PTPRC: variants seen among roughly 807,000 people sequenced by gnomAD.
The protein encoded by PTPRC is receptor-type tyrosine-protein phosphatase C.
Under a neutral mutation model 155.9 loss-of-function variants are expected in PTPRC, and 44 were observed. The ratio of observed to expected loss-of-function variants is 0.28; its 90% CI spans 0.22 to 0.36. The LOEUF is 0.36. PTPRC is among the 10% of genes least tolerant of loss of function. The pLI, the probability that PTPRC is intolerant of heterozygous loss-of-function variation, is 1.00. For missense variants in PTPRC, 1,401 were observed against 1,564.6 expected (o/e 0.90, Z 1.76); for synonymous variants, 525 against 533.1 (o/e 0.98, Z 0.21).
intron 14 of PTPRC, among the ~76,000 whole-genome samples, chr1:198,719,066 C>T (rs1470676413): frequency 6.6e-6 from 1 of 151,936 alleles, no homozygotes; most frequent in African/African-American, 2.4e-5. Flanking sequence ...TTTTGAATGT[C>T]TTTAATAATT....
At chr1:198,660,041 A>G (rs1390053116) in intron 2 of PTPRC, among the ~76,000 whole-genome samples, 3 of 51,868 alleles carry the variant, frequency 5.8e-5, no homozygotes, top group Non-Finnish European at 1.1e-4. Flanking sequence ...ATATATATAT[A>G]TATATATATA....
At chr1:198,733,026 G>A (rs1654465163) in intron 20 of PTPRC, among the ~76,000 whole-genome samples, 1 of 151,650 alleles carries the variant, frequency 6.6e-6, no homozygotes, top group Non-Finnish European at 1.5e-5. Flanking sequence ...CTAAATTTCA[G>A]CAGACATTCC....
chr1:198,726,370 C>G (rs1308289716), intron 15 of PTPRC, among the ~76,000 whole-genome samples: 5 of 152,166 alleles, frequency 3.3e-5, no homozygotes, highest in Non-Finnish European at 7.3e-5. Flanking sequence ...ATAAGAACTT[C>G]TTCCCTAAAA....
At chr1:198,653,691 T>C (rs1430892981) in intron 2 of PTPRC, among the ~76,000 whole-genome samples, 1 of 151,892 alleles carries the variant, frequency 6.6e-6, no homozygotes, top group Admixed American at 6.6e-5. Context: ...ATACTTCCCA[T>C]GGATCATCTT....
At chr1:198,716,395 G>C (rs144114347) in intron 12 of PTPRC, among the ~76,000 whole-genome samples, 96 of 152,312 alleles carry the variant, frequency 6.3e-4, no homozygotes, top group African/African-American at 2.2e-3. Flanking sequence ...AAACAAAAGA[G>C]ATCGTCTTCA....
intron 9 of PTPRC, among the ~76,000 whole-genome samples, chr1:198,707,791 A>T (rs1191165083): frequency 6.6e-6 from 1 of 152,220 alleles, no homozygotes; most frequent in Non-Finnish European, 1.5e-5. Context: ...TAAACAAAAA[A>T]TTTAAGATAA....
At chr1:198,723,738 C>A (rs1055974654) in intron 15 of PTPRC, among the ~76,000 whole-genome samples, 5 of 152,288 alleles carry the variant, frequency 3.3e-5, no homozygotes, top group Admixed American at 6.5e-5. Context: ...GGGAGCCTGG[C>A]AGTGGGAATC....
At chr1:198,683,467 T>TGTACC (rs1665451432) in intron 2 of PTPRC, among the ~76,000 whole-genome samples, 3 of 152,122 alleles carry the variant, frequency 2.0e-5, no homozygotes, top group Admixed American at 6.5e-5. Context: ...TCCCTGGATT[T>TGTACC]AGGTAAATGA....
intron 3 of PTPRC, 34 bp downstream of exon 3, chr1:198,692,407 A>C: frequency 1.5e-6 from 2 of 1,345,146 alleles, no homozygotes; most frequent in Non-Finnish European, 2.0e-6. Flanking sequence ...TACTAATTTT[A>C]TTTTCTTGTT....
chr1:198,754,383 G>A lies in PTPRC; in HGVS notation c.3624G>A (p.Arg1208=). 1 of 1,613,498 alleles carries A rather than the reference G, an allele frequency of 6.2e-7. No homozygotes were observed. The highest frequency in any genetic ancestry group is 8.5e-7 in the Non-Finnish European group (1 of 1,179,704). The change falls in exon 32 of 33, where the codon AGG becomes AGA. Residue 1208 remains arginine (R), a synonymous_variant. Transcript: ENST00000442510. The stretch of plus-strand genomic sequence containing the variant: ...TGGTAAAAGCTCTACGCAAAGCTAG[G>A]CCAGGCATGGTTTCCACATTCGTAA... ...FQVVKALRKA[R]PGMVSTFEQY... is the part of the protein sequence containing the mutation.
chr1:198,741,604 A>G (rs1040585436), intron 23 of PTPRC, among the ~76,000 whole-genome samples: 1 of 151,822 alleles, frequency 6.6e-6, no homozygotes, highest in African/African-American at 2.4e-5. Context: ...AGAAAGTATT[A>G]CCTTACTTAC....
chr1:198,709,638 C>A (rs370172439), intron 10 of PTPRC, 49 bp from the exon 11 acceptor site: 1 of 1,391,524 alleles, frequency 7.2e-7, no homozygotes, highest in Non-Finnish European at 9.8e-7. Flanking sequence ...TAAATGTGTG[C>A]GTGAAATATT....
chr1:198,752,267 T>C lies in PTPRC; in HGVS notation c.3226T>C (p.Trp1076Arg). 6.2e-7 allele frequency: 1 copy of C among 1,611,820 alleles called. No individual in the cohort carries two copies. The highest frequency in any genetic ancestry group is 8.5e-7 in the Non-Finnish European group (1 of 1,178,378). Reference protein sequence around the residue: ...HGDQEICAQYWGEGKQTYGDI... With the variant: ...HGDQEICAQYRGEGKQTYGDI... Reference sequence around the variant, plus strand: ...TATCTAGGAAATCTGTGCTCAGTACTGGGGAGAAGGAAAGCAAACATATGG... The same window carrying C: ...TATCTAGGAAATCTGTGCTCAGTACCGGGGAGAAGGAAAGCAAACATATGG... The change falls in exon 30 of 33, where the codon TGG (tryptophan) becomes CGG (arginine). Residue 1076 changes from tryptophan to arginine, a missense_variant. Transcript: ENST00000442510.
At position 198,639,283 on chromosome 1, in the gene PTPRC, G is replaced by T; in HGVS notation, c.15G>T (p.Leu5Phe). ...GACTTCCAGATATGACCATGTATTTGTGGCTTAAACTCTTGGCATTTGGCT... is the reference window on the plus strand; with the variant it reads ...GACTTCCAGATATGACCATGTATTTTTGGCTTAAACTCTTGGCATTTGGCT... MTMY[L>F]WLKLLAFGFA... is the part of the protein sequence containing the mutation. Residue 5 changes from leucine (L) to phenylalanine (F), a missense_variant, in exon 2 of 33, where the codon TTG becomes TTT. Transcript: ENST00000442510. 1.2e-6 allele frequency: 2 copies of T among 1,613,410 alleles called. No individual in the cohort carries two copies. The highest frequency in any genetic ancestry group is 1.7e-6 in the Non-Finnish European group (2 of 1,179,504).
intron 3 of PTPRC, among the ~76,000 whole-genome samples, chr1:198,696,333 T>C (rs1057255125): frequency 6.6e-6 from 1 of 152,056 alleles, no homozygotes; most frequent in South Asian, 2.1e-4. Flanking sequence ...TTAATTTTTT[T>C]AATCATCTTT....
chr1:198,695,720 A>T (rs1666170559), intron 3 of PTPRC, among the ~76,000 whole-genome samples: 1 of 152,176 alleles, frequency 6.6e-6, no homozygotes, highest in Non-Finnish European at 1.5e-5. Flanking sequence ...ATATTATTTC[A>T]GTATTTTAAA....
intron 4 of PTPRC, among the ~76,000 whole-genome samples, chr1:198,697,501 C>A (rs16843730): frequency 6.6e-6 from 1 of 152,012 alleles, no homozygotes; most frequent in East Asian, 1.9e-4. Context: ...GCCATGTTCC[C>A]GGGAAAAATC....
At chr1:198,655,169 G>C (rs186341429) in intron 2 of PTPRC, among the ~76,000 whole-genome samples, 1 of 150,090 alleles carries the variant, frequency 6.7e-6, no homozygotes, top group Non-Finnish European at 1.5e-5. Flanking sequence ...TCAAGTTGCC[G>C]GTTTTTTTTA....
rs367577936 is a variant in PTPRC at position 198,730,420 on chromosome 1, G to A, written c.1865-1197G>A. ...ACTAGAATGTAAGCTTTGTGAAAGC[G>A]TGGAGGCTTTTTTCTTATTCACTGC... On this transcript the variant is annotated intron_variant, in intron 17 of 32. Transcript: ENST00000442510. Among the ~76,000 whole-genome samples, 62 of 152,240 alleles carry A rather than the reference G, an allele frequency of 4.1e-4. 1 individual carries two copies. Among genetic ancestry groups the A allele is most frequent in the East Asian group, 2.5e-3 (13 of 5,176 alleles).
Sources: gnomAD v4.1 joint callset for allele counts (sites outside exome capture counted in the v4.1 genomes callset) on GRCh38, gnomAD v4.1.1 for gene constraint, MANE v1.5 for transcripts, NCBI Gene and HGNC (gene_info 2026-07-23, HGNC 2026-07-21) for gene names.